The following KIN variants were observed in gnomAD, a reference collection of about 807,000 sequenced individuals.
KIN encodes the protein Kin17 DNA and RNA binding protein.
KIN carries 47 observed loss-of-function variants against 63.0 expected under a neutral mutation model. That is an observed-to-expected ratio of 0.75 (90% CI 0.59 to 0.95). KIN has a LOEUF of 0.95. Ranked by LOEUF, KIN falls within the 40% of genes least tolerant of loss-of-function variation. KIN has a pLI of 0.00. For synonymous variants in KIN, 160 were observed against 157.7 expected (o/e 1.01, Z -0.11); for missense variants, 408 against 460.9 (o/e 0.89, Z 1.05).
chr10:7,774,163 G>A (rs1835721098), intron 7 of KIN, among the ~76,000 whole-genome samples: 1 of 152,162 alleles, frequency 6.6e-6, no homozygotes. Flanking sequence ...TTTACTATGT[G>A]GCTCTTTACA....
intron 12 of KIN, among the ~76,000 whole-genome samples, chr10:7,758,106 C>A: frequency 7.0e-6 from 1 of 143,326 alleles, no homozygotes; most frequent in East Asian, 2.0e-4. Context: ...GACGGAGTCT[C>A]GCTGTCACCC....
chr10:7,763,900 C>T lies in KIN; in HGVS notation c.850-109G>A, dbSNP rs1190244774. 7 of 574,394 alleles carry T rather than the reference C, an allele frequency of 1.2e-5. No individual in the cohort carries two copies. In the East Asian group the frequency reaches 2.2e-4, roughly 18 times the overall value. The allele number at this position is 574,394 out of a possible 1,614,324, so 35.6% of individuals were successfully genotyped here. On this transcript the variant is annotated intron_variant, in intron 9 of 12. Coordinates refer to ENST00000379562, the MANE Select transcript of KIN (RefSeq NM_012311.4). ...CCAAAACCACAGGAAAATGTAACTG[C>T]CCTGCCAAATAAGAAATGCTGGAGT...
rs754659747 is a variant in KIN at position 7,778,944 on chromosome 10, C to T, written c.452G>A (p.Arg151Gln). 23 of 1,613,838 alleles carry T rather than the reference C, an allele frequency of 1.4e-5. 1 individual carries two copies. The South Asian group carries it at 2.1e-4, about 15-fold the overall frequency. Reference sequence around the variant, plus strand: ...TTTCTTTTTCTCCAGTTCCAGTTGCCGGCGGATAGTTTCTGGGTCCCTGTC... The same window carrying T: ...TTTCTTTTTCTCCAGTTCCAGTTGCTGGCGGATAGTTTCTGGGTCCCTGTC... The part of the protein sequence containing the change: ...YIDRDPETIR[R>Q]QLELEKKKKQ... Residue 151 changes from arginine (R) to glutamine (Q), a missense_variant, in exon 5 of 13, where the codon CGG (arginine) becomes CAG (glutamine). Arg to Gln is a conservative substitution (Grantham distance 43, BLOSUM62 1). Transcript: ENST00000379562.
At chr10:7,762,163 T>C (rs1835446955) in intron 11 of KIN, among the ~76,000 whole-genome samples, 1 of 151,426 alleles carries the variant, frequency 6.6e-6, no homozygotes, top group African/African-American at 2.4e-5. Flanking sequence ...TCTCAACCTA[T>C]AACCATAAGC....
In KIN at chr10:7,787,949, G is replaced by C. The variant is rs1233221395; in HGVS notation, c.-16C>G. ...ACTTCCCCATGGCGACCACGGCAGC[G>C]ATCACTTTCTGGACCCCAGTACTCA... On this transcript the variant is annotated 5_prime_UTR_variant, in exon 1 of 13. It adds an upstream start codon to the 5' untranslated region. Transcript: ENST00000379562. 1.9e-6 allele frequency: 3 copies of C among 1,585,606 alleles called. No individual in the cohort carries two copies. Among genetic ancestry groups the C allele is most frequent in the African/African-American group, 2.7e-5 (2 of 74,516 alleles).
In KIN at chr10:7,778,758, A is replaced by AC. The variant is rs71294403; in HGVS notation, c.558+79_558+80insG. On this transcript the variant is annotated intron_variant, in intron 5 of 12. Coordinates refer to ENST00000379562, the MANE Select transcript of KIN (RefSeq NM_012311.4). Reference sequence around the variant, plus strand: ...CATCTCCAAAACAACAACAACAACAAAAACAAAAAAGAAAAACCAAGCCAT... The same window carrying AC: ...CATCTCCAAAACAACAACAACAACAACAAACAAAAAAGAAAAACCAAGCCAT... The AC allele has an allele frequency of 1.3e-4, 192 of 1,444,988 alleles. 2 individuals carry two copies. In the East Asian group the frequency reaches 3.6e-3, roughly 27 times the overall value. 89.5% of individuals were successfully genotyped at this position (1,444,988 alleles called of 1,614,324 possible).
chr10:7,771,588 T>C (rs1214765525), intron 7 of KIN, among the ~76,000 whole-genome samples: 2 of 152,118 alleles, frequency 1.3e-5, no homozygotes, highest in Non-Finnish European at 2.9e-5. Flanking sequence ...AGGCTATTAT[T>C]TACTCTTCTT....
At chr10:7,761,332 T>C (rs1489557114) in intron 11 of KIN, 1 of 152,218 alleles carries the variant, frequency 6.6e-6, no homozygotes, top group Non-Finnish European at 1.5e-5. Context: ...CAGAGACTGA[T>C]GTTATCACTA....
At chr10:7,778,359 T>A (rs893543585) in intron 5 of KIN, among the ~76,000 whole-genome samples, 1 of 152,224 alleles carries the variant, frequency 6.6e-6, no homozygotes, top group Non-Finnish European at 1.5e-5. Context: ...AACCAAGGTT[T>A]GTCAATGCCA....
chr10:7,769,060 G>C (rs540457054), intron 8 of KIN, among the ~76,000 whole-genome samples, 156 bp downstream of exon 8: 1 of 152,016 alleles, frequency 6.6e-6, no homozygotes, highest in Admixed American at 6.5e-5. Flanking sequence ...ATTTAGGGGG[G>C]CTCCAACTCC....
At chr10:7,776,867 C>T (rs1835787823) in intron 5 of KIN, among the ~76,000 whole-genome samples, 1 of 150,046 alleles carries the variant, frequency 6.7e-6, no homozygotes, top group Non-Finnish European at 1.5e-5. Flanking sequence ...CCAGCTTGGA[C>T]AACATTGCAA....
chr10:7,772,948 G>C (rs1458600397), intron 7 of KIN, among the ~76,000 whole-genome samples: 1 of 152,124 alleles, frequency 6.6e-6, no homozygotes, highest in Non-Finnish European at 1.5e-5. Context: ...GAGATGAGGA[G>C]CTTGGCCTGG....
intron 8 of KIN, among the ~76,000 whole-genome samples, chr10:7,768,574 C>T (rs943732996): frequency 2.6e-5 from 4 of 151,686 alleles, no homozygotes; most frequent in African/African-American, 4.8e-5. Flanking sequence ...TTCTCGTGCT[C>T]GCTAGGAGGT....
intron 6 of KIN, 108 bp downstream of exon 6, chr10:7,775,643 G>A: frequency 3.6e-6 from 2 of 563,244 alleles, no homozygotes; most frequent in Admixed American, 3.4e-5. Flanking sequence ...ATGTAACTCA[G>A]ACACATTCGA....
rs1835317549 is a variant in KIN at position 7,755,571 on chromosome 10, G to A, written c.*509C>T. On this transcript the variant is annotated 3_prime_UTR_variant, in exon 13 of 13. Coordinates refer to ENST00000379562, the MANE Select transcript of KIN (RefSeq NM_012311.4). ...TGTTTTAAAATCAGACAGTGGTGAT[G>A]GCTGCACAATTCTGCAAAAATACTA... 1 of 152,202 alleles carries A rather than the reference G, an allele frequency of 6.6e-6. No individual in the cohort carries two copies. Among genetic ancestry groups the A allele is most frequent in the African/African-American group, 2.4e-5 (1 of 41,434 alleles). 9.4% of individuals were successfully genotyped at this position (152,202 alleles called of 1,614,324 possible).
intron 7 of KIN, among the ~76,000 whole-genome samples, chr10:7,772,176 G>A (rs562604881): frequency 2.6e-5 from 4 of 152,236 alleles, no homozygotes; most frequent in African/African-American, 9.6e-5. Flanking sequence ...AAAAAAATTC[G>A]AGGTCATCTT....
intron 7 of KIN, among the ~76,000 whole-genome samples, chr10:7,773,003 G>A (rs554110986): frequency 1.3e-5 from 2 of 152,220 alleles, no homozygotes; most frequent in Non-Finnish European, 2.9e-5. Flanking sequence ...TTTCTTGTAA[G>A]AGCAAGGTGG....
chr10:7,778,308 T>G lies in KIN; in HGVS notation c.558+530A>C, dbSNP rs74883364. 1.3e-3 allele frequency among the ~76,000 whole-genome samples: 198 copies of G among 152,334 alleles called. 1 individual carries two copies. Among genetic ancestry groups the G allele is most frequent in the African/African-American group, 4.6e-3 (192 of 41,584 alleles). On this transcript the variant is annotated intron_variant, in intron 5 of 12. Transcript: ENST00000379562. ...AGGAAATTGAGGTTTGGAAATATTATGCAATTATACAAGATTATGAAGTTA... is the reference window on the plus strand; with the variant it reads ...AGGAAATTGAGGTTTGGAAATATTAGGCAATTATACAAGATTATGAAGTTA...
At chr10:7,766,151 G>A (rs777971606) in intron 8 of KIN, 48 bp from the exon 9 acceptor site, 5 of 1,337,022 alleles carry the variant, frequency 3.7e-6, no homozygotes, top group Non-Finnish European at 5.3e-6. Flanking sequence ...ATCCTCATTG[G>A]ATTTCAAAAT....
Sources: gnomAD v4.1 joint callset for allele counts (sites outside exome capture counted in the v4.1 genomes callset) on GRCh38, gnomAD v4.1.1 for gene constraint, MANE v1.5 for transcripts, NCBI Gene and HGNC (gene_info 2026-07-23, HGNC 2026-07-21) for gene names.